FRMD4A: variants seen among roughly 807,000 people sequenced by gnomAD.
FRMD4A encodes FERM domain-containing protein 4A.
FRMD4A carries 29 observed loss-of-function variants against 129.1 expected under a neutral mutation model. The ratio of observed to expected loss-of-function variants is 0.22; its 90% CI spans 0.17 to 0.31. FRMD4A has a LOEUF of 0.31. Among genes scored for constraint, FRMD4A ranks in the 10% least tolerant of loss-of-function variants. FRMD4A has a pLI of 1.00. For synonymous variants in FRMD4A, 634 were observed against 571.6 expected (o/e 1.11, Z -1.56); for missense variants, 1,272 against 1,375.8 (o/e 0.92, Z 1.19).
At chr10:14,113,531 A>G (rs1838037348) in intron 2 of FRMD4A, among the ~76,000 whole-genome samples, 1 of 152,214 alleles carries the variant, frequency 6.6e-6, no homozygotes, top group Non-Finnish European at 1.5e-5. Context: ...GGTGAAGATC[A>G]ACAGTAGACT....
chr10:14,260,665 C>G (rs1844770407), intron 2 of FRMD4A, among the ~76,000 whole-genome samples: 1 of 152,220 alleles, frequency 6.6e-6, no homozygotes, highest in Admixed American at 6.5e-5. Context: ...TCCTGGCTAT[C>G]TCCCATCAGT....
intron 2 of FRMD4A, among the ~76,000 whole-genome samples, chr10:14,011,673 C>A (rs1251569883): frequency 1.3e-5 from 2 of 152,028 alleles, no homozygotes. Flanking sequence ...GACATTGGAC[C>A]AAAGGAATGG....
chr10:13,990,560 C>T (rs1275022818), intron 2 of FRMD4A, among the ~76,000 whole-genome samples: 1 of 152,232 alleles, frequency 6.6e-6, no homozygotes, highest in Non-Finnish European at 1.5e-5. Context: ...GGTTAACTCT[C>T]TCCAGGATGG....
intron 2 of FRMD4A, among the ~76,000 whole-genome samples, chr10:14,049,749 G>T (rs1834170263): frequency 6.6e-6 from 1 of 152,138 alleles, no homozygotes; most frequent in South Asian, 2.1e-4. Context: ...CAGCTACCTG[G>T]GAGGCTGAGG....
intron 2 of FRMD4A, among the ~76,000 whole-genome samples, chr10:13,864,108 G>A (rs972163321): frequency 2.6e-5 from 4 of 151,876 alleles, no homozygotes; most frequent in Admixed American, 2.0e-4. Flanking sequence ...CGATTCTCCT[G>A]CCTCAGCCTC....
At chr10:13,873,389 G>A (rs928367754) in intron 2 of FRMD4A, among the ~76,000 whole-genome samples, 5 of 152,082 alleles carry the variant, frequency 3.3e-5, no homozygotes, top group African/African-American at 1.2e-4. Flanking sequence ...AGTGAAGATT[G>A]AGACATGAAG....
intron 2 of FRMD4A, among the ~76,000 whole-genome samples, chr10:13,936,871 A>T (rs943224361): frequency 3.3e-5 from 5 of 152,218 alleles, no homozygotes; most frequent in African/African-American, 1.2e-4. Context: ...ATTTTGTTAC[A>T]CTTTCATCAC....
Position 14,089,593 on chromosome 10 carries a change from A to T in FRMD4A, c.46-230681T>A, listed in dbSNP as rs537082828. Reference sequence around the variant, plus strand: ...CCCTGAAACACCTTATTTATTGTGGATTGAAAAAAGTTCACCTTTTCAAGC... The same window carrying T: ...CCCTGAAACACCTTATTTATTGTGGTTTGAAAAAAGTTCACCTTTTCAAGC... On this transcript the variant is annotated intron_variant, in intron 2 of 24. Transcript: ENST00000357447. Among the ~76,000 whole-genome samples, 15 of 139,512 alleles carry T rather than the reference A, an allele frequency of 1.1e-4. No homozygotes were observed. In the East Asian group the frequency reaches 2.6e-3, roughly 24 times the overall value. 91.5% of individuals were successfully genotyped at this position (139,512 alleles called of 152,430 possible). A position where few individuals can be genotyped will look rare whatever the true frequency, so the allele number is the denominator to read the frequency against.
At chr10:13,712,809 C>T (rs528574111) in intron 12 of FRMD4A, among the ~76,000 whole-genome samples, 106 of 152,348 alleles carry the variant, frequency 7.0e-4, no homozygotes, top group Non-Finnish European at 1.2e-3. Flanking sequence ...GTAATAAATA[C>T]TGCCTTTGAG....
intron 2 of FRMD4A, among the ~76,000 whole-genome samples, chr10:13,864,975 G>T (rs1156724911): frequency 6.6e-6 from 1 of 152,024 alleles, no homozygotes; most frequent in African/African-American, 2.4e-5. Flanking sequence ...TTTCATTTGG[G>T]TTTTTATTTA....
intron 2 of FRMD4A, among the ~76,000 whole-genome samples, chr10:14,259,581 G>C (rs181773373): frequency 1.3e-5 from 2 of 151,952 alleles, no homozygotes; most frequent in Admixed American, 6.6e-5. Context: ...TTGAAATCTG[G>C]GGCTATTTTA....
intron 9 of FRMD4A, among the ~76,000 whole-genome samples, chr10:13,741,447 G>A (rs978916747): frequency 4.0e-5 from 6 of 151,568 alleles, no homozygotes; most frequent in African/African-American, 1.5e-4. Flanking sequence ...TGAGACCCTG[G>A]CTCAAAAACA....
At chr10:13,997,352 G>A (rs1032052351) in intron 2 of FRMD4A, among the ~76,000 whole-genome samples, 14 of 152,134 alleles carry the variant, frequency 9.2e-5, no homozygotes, top group Admixed American at 1.3e-4. Context: ...ATTGCTCTCT[G>A]TGTCCAGGAC....
At chr10:13,713,834 ATGTAATATATATACACATATATATAAT>A (rs1564670921) in intron 12 of FRMD4A, among the ~76,000 whole-genome samples, 1 of 86,434 alleles carries the variant, frequency 1.2e-5, no homozygotes, top group Non-Finnish European at 2.2e-5. Context: ...ATATACATAT[ATGTAATATATATACACATATATATAAT>A]ATATATACAT....
intron 12 of FRMD4A, chr10:13,707,535 G>A: frequency 6.0e-6 from 6 of 1,002,492 alleles, no homozygotes; most frequent in Non-Finnish European, 7.2e-6. Context: ...CGCTCAGGAG[G>A]GAGCGGTAGC....
intron 3 of FRMD4A, among the ~76,000 whole-genome samples, chr10:13,834,172 G>C (rs1222198396): frequency 6.6e-6 from 1 of 152,158 alleles, no homozygotes; most frequent in African/African-American, 2.4e-5. Flanking sequence ...GCTGAGGCAG[G>C]AGAATCGCTT....
intron 6 of FRMD4A, among the ~76,000 whole-genome samples, chr10:13,767,176 A>G (rs1461219064): frequency 1.3e-5 from 2 of 152,150 alleles, no homozygotes; most frequent in Non-Finnish European, 2.9e-5. Flanking sequence ...GTGCTCCCAT[A>G]TGACATTAAG....
At chr10:14,228,688 A>T (rs1187623386) in intron 2 of FRMD4A, among the ~76,000 whole-genome samples, 1 of 152,206 alleles carries the variant, frequency 6.6e-6, no homozygotes, top group East Asian at 1.9e-4. Context: ...CAGGAGATTC[A>T]CGCATCTGGA....
At chr10:13,836,527 C>T (rs113972851) in intron 3 of FRMD4A, among the ~76,000 whole-genome samples, 60 of 152,216 alleles carry the variant, frequency 3.9e-4, no homozygotes, top group African/African-American at 1.4e-3. Flanking sequence ...TTGTTTGGAG[C>T]CACCCGTTAC....
Sources: gnomAD v4.1 joint callset for allele counts (sites outside exome capture counted in the v4.1 genomes callset) on GRCh38, gnomAD v4.1.1 for gene constraint, MANE v1.5 for transcripts, NCBI Gene and HGNC (gene_info 2026-07-23, HGNC 2026-07-21) for gene names.